Variants in LIFR observed in about 807,000 individuals in gnomAD.
LIFR encodes leukemia inhibitory factor receptor.
A neutral mutation model predicts 122.2 loss-of-function variants in LIFR; 84 were observed. The observed-to-expected ratio is 0.69, with a 90% CI of 0.58 to 0.82. LIFR has a LOEUF of 0.82. Ranked by LOEUF, LIFR falls within the 40% of genes least tolerant of loss-of-function variation. The pLI, the probability that LIFR is intolerant of heterozygous loss-of-function variation, is 0.00. For missense variants in LIFR, 1,294 were observed against 1,311.6 expected, an observed-to-expected ratio of 0.99 and a Z score of 0.21; for synonymous variants, 422 against 434.7, an observed-to-expected ratio of 0.97 and a Z score of 0.36.
chr5:38,570,604 G>A (rs1316298925), intron 1 of LIFR, among the ~76,000 whole-genome samples: 3 of 152,248 alleles, frequency 2.0e-5, no homozygotes, highest in African/African-American at 7.2e-5. Flanking sequence ...ATATTTATAA[G>A]TGAATAGATT....
At chr5:38,488,847 G>A (rs983010055) in intron 16 of LIFR, among the ~76,000 whole-genome samples, 48 of 152,162 alleles carry the variant, frequency 3.2e-4, no homozygotes, top group African/African-American at 1.2e-3. Flanking sequence ...TATAATCAAC[G>A]GCTTCAGAAT....
chr5:38,488,498 C>T (rs1464971868), intron 16 of LIFR, among the ~76,000 whole-genome samples: 2 of 152,158 alleles, frequency 1.3e-5, no homozygotes, highest in African/African-American at 4.8e-5. Context: ...AAAGGAAAAG[C>T]CAGAAATCTG....
upstream of LIFR, among the ~76,000 whole-genome samples, chr5:38,560,036 G>C (rs1748773591): frequency 1.3e-5 from 2 of 152,168 alleles, no homozygotes; most frequent in Admixed American, 1.3e-4. Flanking sequence ...GCAACCTTGA[G>C]TTGATGGTGG....
In LIFR at chr5:38,564,387, AT is replaced by A. The variant is rs1225383413; in HGVS notation, c.-20+30873del. The stretch of plus-strand genomic sequence containing the variant: ...ACAGACACACCACCATGCCTGGCTA[AT>A]TTTATTTTTTGTAGAGACAGGGTCT... On this transcript the variant is annotated intron_variant, in intron 1 of 19. Transcript: ENST00000263409. Among the ~76,000 whole-genome samples the A allele has an allele frequency of 4.0e-5, 6 of 148,328 alleles. No individual in the cohort carries two copies. The East Asian group carries it at 6.2e-4, about 15-fold the overall frequency.
At chr5:38,598,211 C>CT (rs869193908), upstream of LIFR, among the ~76,000 whole-genome samples, 130 of 62,224 alleles carry the variant, frequency 2.1e-3, 4 homozygotes, top group African/African-American at 2.6e-3. Context: ...TAAGGCACCT[C>CT]TTTTTTTTTT....
intron 10 of LIFR, 102 bp from the exon 11 acceptor site, chr5:38,502,901 T>C: frequency 3.4e-6 from 2 of 594,890 alleles, no homozygotes; most frequent in Non-Finnish European, 5.2e-6. Flanking sequence ...TAAGAAAGCC[T>C]TCACATTTGT....
chr5:38,494,498 C>T (rs967769781), intron 13 of LIFR, among the ~76,000 whole-genome samples: 8 of 151,912 alleles, frequency 5.3e-5, no homozygotes, highest in African/African-American at 1.7e-4. Flanking sequence ...AGAAGACAGG[C>T]GCAGAGGCCC....
intron 3 of LIFR, among the ~76,000 whole-genome samples, chr5:38,527,574 T>G (rs1214486861): frequency 1.3e-5 from 2 of 152,140 alleles, no homozygotes; most frequent in Non-Finnish European, 2.9e-5. Flanking sequence ...CACCTCAACC[T>G]TCCCTTTGTA....
intron 16 of LIFR, 72 bp downstream of exon 16, chr5:38,489,006 T>C: frequency 7.6e-7 from 1 of 1,314,414 alleles, no homozygotes; most frequent in South Asian, 1.2e-5. Context: ...GAGCAGGACT[T>C]TCCTTTTTTT....
chr5:38,489,267 T>C, intron 15 of LIFR, 22 bp from the exon 16 acceptor site: 1 of 1,592,294 alleles, frequency 6.3e-7, no homozygotes, highest in Non-Finnish European at 8.6e-7. Context: ...AAAAGTCAAT[T>C]GCTAAAGGGG....
Position 38,478,172 on chromosome 5 carries a change from G to A in LIFR, c.*3423C>T, listed in dbSNP as rs754019328. ...AATGTTTGTTAAATATGGACGGCAT[G>A]AAGACAATTAAGAAACTATAGGACT... On this transcript the variant is annotated 3_prime_UTR_variant, in exon 20 of 20. Transcript: ENST00000453190. 4.8e-6 allele frequency: 1 copy of A among 208,932 alleles called. No homozygotes were observed. Among genetic ancestry groups the A allele is most frequent in the Non-Finnish European group, 9.7e-6 (1 of 102,702 alleles). The allele number at this position is 208,932 out of a possible 1,614,324, so 12.9% of individuals were successfully genotyped here.
rs75010564 is a variant in LIFR, at chr5:38,543,722, C to T, written c.-20+12612G>A. ...GAAGATGACATCTCTGCATGCATTC[C>T]AGCCCACTTCTCTCTTTCTGTACTC... On this transcript the variant is annotated intron_variant, in intron 1 of 19. Transcript: ENST00000453190. 8.4e-3 allele frequency among the ~76,000 whole-genome samples: 1,278 copies of T among 152,194 alleles called. 8 individuals carry two copies. Among genetic ancestry groups the T allele is most frequent in the South Asian group, 0.019 (90 of 4,826 alleles).
At chr5:38,567,318 G>A (rs902171926) in intron 1 of LIFR, among the ~76,000 whole-genome samples, 2 of 152,016 alleles carry the variant, frequency 1.3e-5, no homozygotes, top group African/African-American at 2.4e-5. Flanking sequence ...TGGAGTCCTT[G>A]GATCTTGTCC....
In LIFR at chr5:38,510,571, T is replaced by TC. The variant is rs986448088; in HGVS notation, c.883dup (p.Glu295GlyfsTer9). On this transcript the variant is annotated frameshift_variant, in exon 7 of 20. Transcript: ENST00000453190. LOFTEE classifies it high-confidence loss of function. The stretch of plus-strand genomic sequence containing the variant: ...ATTACGAATCTTGATTGCAACATTT[T>TC]CCCCATCAAGATGGATCAAGGGGCA... 3 of 1,614,000 alleles carry TC rather than the reference T, an allele frequency of 1.9e-6. No individual in the cohort carries two copies. Among genetic ancestry groups the TC allele is most frequent in the Non-Finnish European group, 1.7e-6 (2 of 1,179,938 alleles).
At position 38,479,701 on chromosome 5, in the gene LIFR, G is replaced by A. The variant is rs1341039785; in HGVS notation, c.*1894C>T. ...GGCAAGCAGACAATGCTAACAGCAA[G>A]CTTTGGCAGGGAGAGAAGGCAGCCC... On this transcript the variant is annotated 3_prime_UTR_variant, in exon 20 of 20. Coordinates refer to ENST00000453190, the MANE Select transcript of LIFR (RefSeq NM_001127671.2). 1 of 231,546 alleles carries A rather than the reference G, an allele frequency of 4.3e-6. No homozygotes were observed. Among genetic ancestry groups the A allele is most frequent in the African/African-American group, 2.2e-5 (1 of 45,264 alleles). The allele number at this position is 231,546 out of a possible 1,614,324, so 14.3% of individuals were successfully genotyped here. A position where few individuals can be genotyped will look rare whatever the true frequency, so the allele number is the denominator to read the frequency against.
chr5:38,549,227 TTAC>T lies in LIFR; in HGVS notation c.-20+7104_-20+7106del, dbSNP rs1452580002. Among the ~76,000 whole-genome samples, 4 of 150,390 alleles carry T rather than the reference TTAC, an allele frequency of 2.7e-5. No individual in the cohort carries two copies. The South Asian group carries it at 8.5e-4, about 32-fold the overall frequency. On this transcript the variant is annotated intron_variant, in intron 1 of 19. Coordinates refer to ENST00000453190, the MANE Select transcript of LIFR (RefSeq NM_001127671.2). ...TTCGGCCTATAGTCTTCCTGGCATTTTACTACATAATATGTAGAAAATTGTACA... is the reference window on the plus strand; with the variant it reads ...TTCGGCCTATAGTCTTCCTGGCATTTTACATAATATGTAGAAAATTGTACA...
chr5:38,548,668 T>G (rs1020857337), intron 1 of LIFR, among the ~76,000 whole-genome samples: 4 of 152,110 alleles, frequency 2.6e-5, no homozygotes, highest in Non-Finnish European at 5.9e-5. Flanking sequence ...GATCAGACCC[T>G]GACCTTCAAA....
Position 38,504,112 on chromosome 5 carries a change from T to C in LIFR, c.1301A>G (p.His434Arg), listed in dbSNP as rs774226160. ...CTTCACTTTGAATGAAGTAGGAGTA[T>C]GGGGATAAACTGCAAATATAATTTT... Reference protein sequence around the residue: ...LVNITEKVYPHTPTSFKVKDI... With the variant: ...LVNITEKVYPRTPTSFKVKDI... Residue 434 changes from histidine to arginine, a missense_variant, in exon 10 of 20, where the codon CAT (histidine) becomes CGT (arginine). Coordinates refer to ENST00000453190, the MANE Select transcript of LIFR (RefSeq NM_001127671.2). The C allele has an allele frequency of 8.9e-6, 14 of 1,565,412 alleles. 1 individual carries two copies. In the African/African-American group the frequency reaches 1.5e-4, roughly 17 times the overall value.
chr5:38,553,268 A>G (rs925053408), intron 1 of LIFR, among the ~76,000 whole-genome samples: 1 of 151,530 alleles, frequency 6.6e-6, no homozygotes, highest in Non-Finnish European at 1.5e-5. Context: ...AGACCCCTCC[A>G]CCCCAGAGAG....
Sources: gnomAD v4.1 joint callset for allele counts (sites outside exome capture counted in the v4.1 genomes callset) on GRCh38, gnomAD v4.1.1 for gene constraint, MANE v1.5 for transcripts, NCBI Gene and HGNC (gene_info 2026-07-23, HGNC 2026-07-21) for gene names.